Variants in TTC28 observed in about 807,000 individuals in gnomAD.
The protein encoded by TTC28 is tetratricopeptide repeat protein 28.
Under a neutral mutation model 198.0 loss-of-function variants are expected in TTC28, and 61 were observed. That is an observed-to-expected ratio of 0.31 (90% confidence interval 0.25 to 0.38). The LOEUF is 0.38. TTC28 is among the 10% of genes least tolerant of loss of function. The pLI, the probability that TTC28 is intolerant of heterozygous loss-of-function variation, is 1.00. For synonymous variants in TTC28, 1,171 were observed against 1,297.8 expected, an observed-to-expected ratio of 0.90 and a Z score of 2.10; for missense variants, 2,678 against 3,164.0, an observed-to-expected ratio of 0.85 and a Z score of 3.69.
At chr22:28,022,026 A>G (rs1938626274) in intron 13 of TTC28, among the ~76,000 whole-genome samples, 1 of 152,250 alleles carries the variant, frequency 6.6e-6, no homozygotes, top group South Asian at 2.1e-4. Flanking sequence ...ACTAATGAGT[A>G]AACAAAGATG....
intron 2 of TTC28, among the ~76,000 whole-genome samples, chr22:28,574,158 C>T (rs976793450): frequency 4.6e-5 from 7 of 152,050 alleles, no homozygotes; most frequent in East Asian, 1.9e-4. Context: ...AGACCACAGA[C>T]GTGCACCACC....
At chr22:28,574,383 TGA>T (rs1420858141) in intron 2 of TTC28, among the ~76,000 whole-genome samples, 1 of 146,206 alleles carries the variant, frequency 6.8e-6, no homozygotes, top group Non-Finnish European at 1.6e-5. Flanking sequence ...GTGTTGTGTG[TGA>T]GTGTGTGTGT....
intron 22 of TTC28, among the ~76,000 whole-genome samples, chr22:27,984,933 T>C (rs1569066486): frequency 1.3e-5 from 2 of 152,236 alleles, no homozygotes; most frequent in Middle Eastern, 3.4e-3. Context: ...GAGTGTCCGC[T>C]CCGGTCAGGC....
intron 2 of TTC28, among the ~76,000 whole-genome samples, chr22:28,598,120 C>T (rs768005485): frequency 1.3e-5 from 2 of 152,100 alleles, no homozygotes; most frequent in Non-Finnish European, 1.5e-5. Flanking sequence ...TTTCTTGAAT[C>T]GTTTTCCGTA....
At chr22:28,334,449 C>A (rs1289689532) in intron 2 of TTC28, among the ~76,000 whole-genome samples, 1 of 152,196 alleles carries the variant, frequency 6.6e-6, no homozygotes, top group Non-Finnish European at 1.5e-5. Context: ...AATGGTTGAA[C>A]TAGTTTACAA....
intron 13 of TTC28, among the ~76,000 whole-genome samples, chr22:28,025,558 A>G (rs1938797920): frequency 6.6e-6 from 1 of 152,210 alleles, no homozygotes; most frequent in African/African-American, 2.4e-5. Flanking sequence ...ACAGCCCTAA[A>G]GCAGGGTGGC....
intron 2 of TTC28, among the ~76,000 whole-genome samples, chr22:28,387,392 A>T (rs1385793551): frequency 1.3e-5 from 2 of 152,190 alleles, no homozygotes. Flanking sequence ...TGCTATTTCT[A>T]GTTCTAGTTC....
chr22:28,320,242 G>A (rs1222192868), intron 2 of TTC28, among the ~76,000 whole-genome samples: 34 of 151,390 alleles, frequency 2.2e-4, no homozygotes, highest in Admixed American at 2.2e-3. Flanking sequence ...ATTTCTTGGA[G>A]AATGTTCAGG....
At chr22:28,130,652 T>C (rs1054514089) in intron 6 of TTC28, among the ~76,000 whole-genome samples, 4 of 150,282 alleles carry the variant, frequency 2.7e-5, no homozygotes, top group Admixed American at 2.0e-4. Flanking sequence ...TAAGGTTTTC[T>C]ATGAAAGATA....
chr22:28,444,679 G>A lies in TTC28; in HGVS notation c.382-138036C>T, dbSNP rs1053236162. ...ACTCAACCAAGACCACACAGGTAGA[G>A]CATAGTGGGGCTAGAATTCAGACCC... is the stretch of plus-strand genomic sequence containing the variant. On this transcript the variant is annotated intron_variant, in intron 2 of 22. Transcript: ENST00000397906. Among the ~76,000 whole-genome samples the A allele has an allele frequency of 2.0e-5, 3 of 152,168 alleles. No homozygotes were observed. The South Asian group carries it at 6.2e-4, about 31-fold the overall frequency.
At chr22:28,110,927 C>T (rs1433008904) in intron 6 of TTC28, among the ~76,000 whole-genome samples, 1 of 148,274 alleles carries the variant, frequency 6.7e-6, no homozygotes, top group African/African-American at 2.5e-5. Flanking sequence ...AGAGTGAGAC[C>T]CTGCCTTTAA....
At chr22:28,410,170 C>T (rs2047060653) in intron 2 of TTC28, among the ~76,000 whole-genome samples, 1 of 152,182 alleles carries the variant, frequency 6.6e-6, no homozygotes, top group Admixed American at 6.5e-5. Context: ...GATCTGCCCA[C>T]CTCGGCTTCT....
chr22:27,984,850 C>G (rs1937156103), intron 22 of TTC28, among the ~76,000 whole-genome samples: 1 of 152,248 alleles, frequency 6.6e-6, no homozygotes, highest in South Asian at 2.1e-4. Flanking sequence ...CTGTAGCCAG[C>G]TTGGCCCTTA....
At chr22:28,145,388 GCAC>G (rs1406966439) in intron 6 of TTC28, among the ~76,000 whole-genome samples, 1 of 152,066 alleles carries the variant, frequency 6.6e-6, no homozygotes, top group African/African-American at 2.4e-5. Context: ...AGCCGTCTTG[GCAC>G]CACAAAACAT....
chr22:28,543,477 G>T (rs2049464632), intron 2 of TTC28, among the ~76,000 whole-genome samples: 1 of 151,562 alleles, frequency 6.6e-6, no homozygotes, highest in South Asian at 2.1e-4. Context: ...ACAACAGGAG[G>T]GGGGAGGAGA....
chr22:28,637,004 G>GTTTTTTTTTTT (rs35849354), intron 1 of TTC28, among the ~76,000 whole-genome samples: 1 of 97,306 alleles, frequency 1.0e-5, no homozygotes, highest in South Asian at 4.2e-4. Flanking sequence ...CAGGTCTTCA[G>GTTTTTTTTTTT]TTTTTTTTTT....
intron 12 of TTC28, among the ~76,000 whole-genome samples, chr22:28,036,688 T>C (rs182846934): frequency 5.9e-5 from 9 of 152,058 alleles, no homozygotes; most frequent in East Asian, 3.9e-4. Context: ...CTGAAGGAGA[T>C]AGAGACATAA....
rs1026489925 is a variant in TTC28 at position 28,284,586 on chromosome 22, C to T, written c.933+11612G>A. 1.3e-4 allele frequency among the ~76,000 whole-genome samples: 20 copies of T among 151,832 alleles called. No individual in the cohort carries two copies. The East Asian group carries it at 3.1e-3, about 23-fold the overall frequency. ...ATCAACAAAATGAAAAGGCAATCTA[C>T]GGAATGGCAGAAAATTTATAAAATA... On this transcript the variant is annotated intron_variant, in intron 5 of 22. Coordinates refer to ENST00000397906, the MANE Select transcript of TTC28 (RefSeq NM_001145418.2).
intron 17 of TTC28, 95 bp from the exon 18 acceptor site, chr22:27,993,613 G>T (rs977018553): frequency 7.7e-7 from 1 of 1,296,266 alleles, no homozygotes; most frequent in Non-Finnish European, 1.0e-6. Context: ...GGTGAAGCCA[G>T]GCTGACTGCT....
Sources: gnomAD v4.1 joint callset for allele counts (sites outside exome capture counted in the v4.1 genomes callset) on GRCh38, gnomAD v4.1.1 for gene constraint, MANE v1.5 for transcripts, NCBI Gene and HGNC (gene_info 2026-07-23, HGNC 2026-07-21) for gene names.